Variants in TMEM120B observed in about 807,000 individuals in gnomAD.
TMEM120B encodes the protein transmembrane protein 120B.
A neutral mutation model predicts 55.5 loss-of-function variants in TMEM120B; 31 were observed. The ratio of observed to expected loss-of-function variants is 0.56; its 90% confidence interval spans 0.42 to 0.75. TMEM120B has a LOEUF of 0.75. Ranked by LOEUF, TMEM120B falls within the 30% of genes least tolerant of loss-of-function variation. The probability of loss-of-function intolerance (pLI) is 0.00; values close to 1 mark genes in which losing one functional copy is unlikely to be tolerated. For synonymous variants in TMEM120B, 203 were observed against 176.3 expected (o/e 1.15, Z -1.20); for missense variants, 399 against 425.5 (o/e 0.94, Z 0.55).
In TMEM120B at chr12:121,750,817, CCCACACCAACA is replaced by C. The variant is rs561182344; in HGVS notation, c.365+385_365+395del. Reference sequence around the variant, plus strand: ...ACACCCCACACCCCATACACAACACCCCACACCAACACCACACACCACACTCCACACCCCAT... The same window carrying C: ...ACACCCCACACCCCATACACAACACCCCACACACCACACTCCACACCCCAT... On this transcript the variant is annotated intron_variant, in intron 4 of 11. Coordinates refer to ENST00000449592, the MANE Select transcript of TMEM120B (RefSeq NM_001080825.2). Among the ~76,000 whole-genome samples, 51 of 139,826 alleles carry C rather than the reference CCCACACCAACA, an allele frequency of 3.6e-4. No homozygotes were observed. The East Asian group carries it at 0.012, about 32-fold the overall frequency. The allele number at this position is 139,826 out of a possible 152,430, so 91.7% of individuals were successfully genotyped here.
chr12:121,754,389 G>A (rs999629245), intron 5 of TMEM120B, among the ~76,000 whole-genome samples: 1 of 152,152 alleles, frequency 6.6e-6, no homozygotes, highest in African/African-American at 2.4e-5. Context: ...TCTCCTACCT[G>A]CTTCTGTGTT....
intron 6 of TMEM120B, 51 bp downstream of exon 6, chr12:121,761,789 T>C (rs780809113): frequency 6.8e-7 from 1 of 1,477,512 alleles, no homozygotes; most frequent in Non-Finnish European, 9.5e-7. Flanking sequence ...TAAAGGGAAA[T>C]GTCACGAGGG....
At chr12:121,770,766 C>T (rs1345812164) in intron 6 of TMEM120B, 141 bp from the exon 7 acceptor site, 2 of 741,782 alleles carry the variant, frequency 2.7e-6, no homozygotes, top group African/African-American at 3.5e-5. Context: ...AGGGCACGGT[C>T]AGGGTTCCAG....
At chr12:121,721,438 C>G (rs1475822561) in intron 1 of TMEM120B, among the ~76,000 whole-genome samples, 6 of 151,084 alleles carry the variant, frequency 4.0e-5, no homozygotes, top group Non-Finnish European at 8.8e-5. Flanking sequence ...CTCAGCCTCC[C>G]AAAGTGCTGA....
Position 121,775,087 on chromosome 12 carries a change from C to A in TMEM120B, c.863C>A (p.Thr288Lys), listed in dbSNP as rs778748578. 6 of 1,606,330 alleles carry A rather than the reference C, an allele frequency of 3.7e-6. No individual in the cohort carries two copies. In the South Asian group the frequency reaches 4.4e-5, roughly 12 times the overall value. Reference protein sequence around the residue: ...GHFWQLYNAVTLFELSSHEEC... With the variant: ...GHFWQLYNAVKLFELSSHEEC... ...TTCTGGCAGCTCTACAATGCCGTCA[C>A]GCTGTTTGAGCTCTCCAGCCACGAG... Residue 288 changes from threonine to lysine, a missense_variant, in exon 11 of 12, where the codon ACG becomes AAG. Thr to Lys is a moderately conservative substitution (Grantham distance 78, BLOSUM62 -1). Around this residue, in one of 3 missense-constraint regions of TMEM120B, gnomAD observed 260 missense variants for 303.9 expected, o/e 0.86. Coordinates refer to ENST00000449592, the MANE Select transcript of TMEM120B (RefSeq NM_001080825.2). The surrounding 1 kb of genome is among the most constrained non-coding windows in gnomAD (Gnocchi z 4.3).
chr12:121,743,933 T>C (rs369151753), intron 2 of TMEM120B, among the ~76,000 whole-genome samples, 186 bp downstream of exon 2: 123 of 152,290 alleles, frequency 8.1e-4, no homozygotes, highest in African/African-American at 2.8e-3. Flanking sequence ...AAATTCTGCC[T>C]TCCTCTGGAT....
intron 6 of TMEM120B, among the ~76,000 whole-genome samples, chr12:121,770,630 T>C (rs1222062980): frequency 2.6e-5 from 4 of 151,870 alleles, no homozygotes; most frequent in South Asian, 4.1e-4. Context: ...GGAGTGAGGC[T>C]TGAAGGCAGG....
At chr12:121,759,238 C>G (rs577328328) in intron 5 of TMEM120B, among the ~76,000 whole-genome samples, 2 of 151,362 alleles carry the variant, frequency 1.3e-5, no homozygotes, top group Admixed American at 1.3e-4. Flanking sequence ...AAAGTTCTCC[C>G]GTTAGTGGTG....
chr12:121,782,060 G>T lies in TMEM120B; in HGVS notation c.*6338G>T, dbSNP rs1023386388. 6.6e-6 allele frequency: 1 copy of T among 152,106 alleles called. No individual in the cohort carries two copies. Among genetic ancestry groups the T allele is most frequent in the South Asian group, 2.1e-4 (1 of 4,822 alleles). 9.4% of individuals were successfully genotyped at this position (152,106 alleles called of 1,614,324 possible). ...CAAACTTACAGTAAAATTGCAACAC[G>T]AGTATGAAGAGCTCTCTGACTGTGA... On this transcript the variant is annotated 3_prime_UTR_variant, in exon 12 of 12. Coordinates refer to ENST00000449592, the MANE Select transcript of TMEM120B (RefSeq NM_001080825.2).
chr12:121,755,031 C>T (rs1369034465), intron 5 of TMEM120B, among the ~76,000 whole-genome samples: 2 of 152,226 alleles, frequency 1.3e-5, no homozygotes, highest in Non-Finnish European at 2.9e-5. Context: ...ACTGGTTAGA[C>T]TGGTGCCTGT....
chr12:121,722,189 C>T (rs1894806474), intron 1 of TMEM120B, among the ~76,000 whole-genome samples: 1 of 151,680 alleles, frequency 6.6e-6, no homozygotes, highest in African/African-American at 2.4e-5. Flanking sequence ...ACCTCTGCCT[C>T]CCGGGTTCAA....
chr12:121,732,264 C>G (rs1036231315), intron 1 of TMEM120B, among the ~76,000 whole-genome samples: 1 of 152,206 alleles, frequency 6.6e-6, no homozygotes, highest in South Asian at 2.1e-4. Flanking sequence ...GAATGCCTTG[C>G]GGGTGGAGAA....
At chr12:121,713,047 T>TG in intron 1 of TMEM120B, 83 bp downstream of exon 1, 2 of 1,238,896 alleles carry the variant, frequency 1.6e-6, no homozygotes, top group Non-Finnish European at 2.2e-6. Context: ...GCCCGGGCGG[T>TG]GGGGACAGTC....
chr12:121,754,223 C>T (rs1203152860), intron 5 of TMEM120B, among the ~76,000 whole-genome samples: 3 of 152,220 alleles, frequency 2.0e-5, no homozygotes, highest in Admixed American at 2.0e-4. Flanking sequence ...AAAGGCTGCA[C>T]ACATCTGTAC....
chr12:121,748,749 G>T (rs915631847), intron 3 of TMEM120B, among the ~76,000 whole-genome samples: 7 of 152,176 alleles, frequency 4.6e-5, no homozygotes, highest in African/African-American at 1.7e-4. Context: ...CATGCATTGC[G>T]TGCCTCCTGC....
intron 1 of TMEM120B, among the ~76,000 whole-genome samples, chr12:121,724,411 C>CAAGT (rs1894851266): frequency 1.3e-5 from 2 of 151,956 alleles, no homozygotes; most frequent in African/African-American, 4.8e-5. Flanking sequence ...CGGCCTCAAG[C>CAAGT]AAGTGATCCA....
chr12:121,756,816 C>A (rs1177255697), intron 5 of TMEM120B, among the ~76,000 whole-genome samples: 3 of 152,200 alleles, frequency 2.0e-5, no homozygotes, highest in African/African-American at 7.2e-5. Flanking sequence ...AGGAACAGAC[C>A]CTGGAATCTC....
In TMEM120B at chr12:121,781,911, C is replaced by G. The variant is rs951692101; in HGVS notation, c.*6189C>G. ...GGATACTTTAATCCGGAGGCCGTGA[C>G]GCCTGGCTCCGCCCCGAGACGAGCT... On this transcript the variant is annotated 3_prime_UTR_variant, in exon 12 of 12. Coordinates refer to ENST00000449592, the MANE Select transcript of TMEM120B (RefSeq NM_001080825.2). 1 of 152,240 alleles carries G rather than the reference C, an allele frequency of 6.6e-6. No individual in the cohort carries two copies. Among genetic ancestry groups the G allele is most frequent in the Non-Finnish European group, 1.5e-5 (1 of 68,050 alleles). 9.4% of individuals were successfully genotyped at this position (152,240 alleles called of 1,614,324 possible).
chr12:121,739,871 C>T lies in TMEM120B; in HGVS notation c.70-3758C>T, dbSNP rs144436716. Among the ~76,000 whole-genome samples, 478 of 149,034 alleles carry T rather than the reference C, an allele frequency of 3.2e-3. 4 individuals are homozygous for T. The highest frequency in any genetic ancestry group is 0.011 in the African/African-American group (450 of 40,358). ...TCAGCTCACTGCAATCTCCCCCTCC[C>T]GGGTTGAAGCGATTCTCCTGCCTCA... On this transcript the variant is annotated intron_variant, in intron 1 of 11. Transcript: ENST00000449592.
Sources: allele counts gnomAD v4.1 joint callset (sites outside exome capture counted in the v4.1 genomes callset), GRCh38; gene constraint gnomAD v4.1.1; regional missense constraint gnomAD v4.1.1; non-coding constraint Gnocchi (gnomAD v3.1); transcripts MANE v1.5; gene names NCBI Gene and HGNC (gene_info 2026-07-23, HGNC 2026-07-21).